The following PCDH9 variants were observed in gnomAD, a reference collection of about 807,000 sequenced individuals.
PCDH9 encodes the protein protocadherin-9.
In PCDH9, 24 loss-of-function variants were observed where a neutral mutation model predicts 70.6. That is an observed-to-expected ratio of 0.34 (90% CI 0.25 to 0.48). The LOEUF (loss-of-function observed/expected upper bound fraction) is 0.48. Ranked by LOEUF, PCDH9 falls within the 20% of genes least tolerant of loss-of-function variation. The pLI, the probability that PCDH9 is intolerant of heterozygous loss-of-function variation, is 0.99. For missense variants in PCDH9, 1,281 were observed against 1,503.6 expected, an observed-to-expected ratio of 0.85 and a Z score of 2.45; for synonymous variants, 562 against 558.5, an observed-to-expected ratio of 1.01 and a Z score of -0.09.
chr13:66,627,330 T>C (rs903697267), intron 4 of PCDH9, among the ~76,000 whole-genome samples: 1 of 152,164 alleles, frequency 6.6e-6, no homozygotes, highest in Non-Finnish European at 1.5e-5. Flanking sequence ...AGCAAAATTA[T>C]TGCTAGAGAT....
chr13:66,953,216 TA>T lies in PCDH9; in HGVS notation c.3037-49612del, dbSNP rs5804304. On this transcript the variant is annotated intron_variant, in intron 2 of 4. Transcript: ENST00000377865. ...ACTAGTCCATATAACGTTCCACATG[TA>T]AAAAAAAATCATTCATATGTGACAA... 2.8e-4 allele frequency among the ~76,000 whole-genome samples: 42 copies of T among 151,536 alleles called. No homozygotes were observed. The South Asian group carries it at 6.7e-3, about 24-fold the overall frequency.
At chr13:67,106,977 G>T (rs2086559105) in intron 2 of PCDH9, among the ~76,000 whole-genome samples, 1 of 152,198 alleles carries the variant, frequency 6.6e-6, no homozygotes, top group African/African-American at 2.4e-5. Flanking sequence ...GGCTGAGGAT[G>T]TCTACATGAG....
At chr13:66,351,209 G>A (rs373795082) in intron 4 of PCDH9, among the ~76,000 whole-genome samples, 2 of 151,816 alleles carry the variant, frequency 1.3e-5, no homozygotes, top group Admixed American at 1.3e-4. Flanking sequence ...ATCCTTCCAA[G>A]TTTTGGCAGA....
At chr13:67,153,571 A>G (rs1465442658) in intron 2 of PCDH9, among the ~76,000 whole-genome samples, 1 of 152,208 alleles carries the variant, frequency 6.6e-6, no homozygotes, top group Non-Finnish European at 1.5e-5. Flanking sequence ...TCACCTAGAA[A>G]CGTCTGTTTC....
intron 2 of PCDH9, among the ~76,000 whole-genome samples, chr13:66,920,566 A>G (rs1338800422): frequency 6.6e-6 from 1 of 151,220 alleles, no homozygotes; most frequent in South Asian, 2.1e-4. Flanking sequence ...TCCTCCATTC[A>G]ATCAAAAAAT....
intron 3 of PCDH9, among the ~76,000 whole-genome samples, chr13:66,722,077 T>C (rs956102000): frequency 5.9e-5 from 9 of 152,204 alleles, no homozygotes; most frequent in African/African-American, 2.2e-4. Context: ...CTTAATACCC[T>C]CCCTATCTTC....
At chr13:66,436,700 G>A (rs1957872609) in intron 4 of PCDH9, among the ~76,000 whole-genome samples, 1 of 151,990 alleles carries the variant, frequency 6.6e-6, no homozygotes, top group African/African-American at 2.4e-5. Context: ...TATTTAAATT[G>A]TCATAATTGT....
chr13:66,482,300 C>A (rs186564419), intron 4 of PCDH9, among the ~76,000 whole-genome samples: 2 of 151,704 alleles, frequency 1.3e-5, no homozygotes, highest in African/African-American at 4.8e-5. Context: ...TTTAATCTAA[C>A]GTTTGTCATT....
At chr13:66,492,466 TAAAC>T (rs1959050258) in intron 4 of PCDH9, among the ~76,000 whole-genome samples, 1 of 148,094 alleles carries the variant, frequency 6.8e-6, no homozygotes, top group African/African-American at 2.4e-5. Flanking sequence ...TATATAAATA[TAAAC>T]AAATATATAT....
chr13:66,763,828 A>G (rs2079667014), intron 3 of PCDH9, among the ~76,000 whole-genome samples: 1 of 151,832 alleles, frequency 6.6e-6, no homozygotes, highest in African/African-American at 2.4e-5. Context: ...CGGAGTCCTG[A>G]TCTGTCATCC....
intron 2 of PCDH9, among the ~76,000 whole-genome samples, chr13:67,075,685 CTT>C (rs2085864838): frequency 6.6e-6 from 1 of 152,096 alleles, no homozygotes; most frequent in Non-Finnish European, 1.5e-5. Flanking sequence ...ACATTCTCCA[CTT>C]CAGATGAAAA....
chr13:67,195,008 T>C (rs1255207590), intron 2 of PCDH9, among the ~76,000 whole-genome samples: 1 of 152,176 alleles, frequency 6.6e-6, no homozygotes, highest in Non-Finnish European at 1.5e-5. Context: ...AATAGGAACC[T>C]GGATCACTTG....
chr13:66,350,082 A>G (rs1476814223), intron 4 of PCDH9, among the ~76,000 whole-genome samples: 1 of 152,038 alleles, frequency 6.6e-6, no homozygotes, highest in East Asian at 1.9e-4. Context: ...CACAATCTCT[A>G]TTCACAGGAC....
At position 67,225,938 on chromosome 13, in the gene PCDH9, G is replaced by C; in HGVS notation, c.2503C>G (p.Leu835Val). 6.2e-7 allele frequency: 1 copy of C among 1,614,134 alleles called. No homozygotes were observed. The highest frequency in any genetic ancestry group is 8.5e-7 in the Non-Finnish European group (1 of 1,180,024). Residue 835 changes from leucine to valine, a missense_variant, in exon 2 of 5, where the codon CTG becomes GTG. Leu to Val is a conservative substitution (Grantham distance 32, BLOSUM62 1). This residue lies in a region of PCDH9 where 207 missense variants were observed against 191.8 expected (regional missense o/e 1.08). Transcript: ENST00000377865. ...VVIVVIFVTV[L>V]VRCRHASRFK... ...CTTGATGCATGGCGACAGCGCACCAGAACGGTGACGAAGATCACAACAATG... is the reference window on the plus strand; with the variant it reads ...CTTGATGCATGGCGACAGCGCACCACAACGGTGACGAAGATCACAACAATG...
chr13:66,385,888 C>A (rs116059927), intron 4 of PCDH9, among the ~76,000 whole-genome samples: 1 of 151,538 alleles, frequency 6.6e-6, no homozygotes, highest in Non-Finnish European at 1.5e-5. Flanking sequence ...TTGAGAGAAA[C>A]CATAGAATGT....
chr13:66,540,115 A>G (rs1593644839), intron 4 of PCDH9, among the ~76,000 whole-genome samples: 1 of 151,694 alleles, frequency 6.6e-6, no homozygotes, highest in Non-Finnish European at 1.5e-5. Flanking sequence ...GGCTCAAGAA[A>G]TCCTCCCACC....
At chr13:66,560,012 C>A (rs1040325711) in intron 4 of PCDH9, among the ~76,000 whole-genome samples, 1 of 151,784 alleles carries the variant, frequency 6.6e-6, no homozygotes, top group Non-Finnish European at 1.5e-5. Flanking sequence ...AAAAGTTGAA[C>A]ATATGCAGTT....
intron 4 of PCDH9, among the ~76,000 whole-genome samples, chr13:66,517,971 CGT>C (rs1483906336): frequency 6.6e-6 from 1 of 152,042 alleles, no homozygotes; most frequent in Non-Finnish European, 1.5e-5. Context: ...CTATCCATCC[CGT>C]GTTAGTTCAT....
At chr13:66,319,806 A>G (rs1327772306) in intron 4 of PCDH9, among the ~76,000 whole-genome samples, 4 of 152,082 alleles carry the variant, frequency 2.6e-5, no homozygotes, top group Non-Finnish European at 5.9e-5. Context: ...TGTTTTTGCT[A>G]TTTTGAGAAT....
Sources: gnomAD v4.1 joint callset for allele counts (sites outside exome capture counted in the v4.1 genomes callset) on GRCh38, gnomAD v4.1.1 for gene constraint, gnomAD v4.1.1 regional missense constraint, MANE v1.5 for transcripts, NCBI Gene and HGNC (gene_info 2026-07-23, HGNC 2026-07-21) for gene names.